The following LEPR variants were observed in gnomAD, a reference collection of about 807,000 sequenced individuals.
The protein encoded by LEPR is leptin receptor, also known as OB receptor.
LEPR carries 56 observed loss-of-function variants against 114.7 expected under a neutral mutation model. The observed-to-expected ratio is 0.49, with a 90% CI of 0.39 to 0.61. The LOEUF (loss-of-function observed/expected upper bound fraction) is 0.61. LEPR is among the 20% of genes least tolerant of loss of function. The pLI is 0.00. For missense variants in LEPR, 1,202 were observed against 1,352.9 expected, an observed-to-expected ratio of 0.89 and a Z score of 1.75; for synonymous variants, 443 against 461.4, an observed-to-expected ratio of 0.96 and a Z score of 0.51.
chr1:65,459,741 A>G (rs1442165006), intron 2 of LEPR, among the ~76,000 whole-genome samples: 1 of 152,216 alleles, frequency 6.6e-6, no homozygotes, highest in African/African-American at 2.4e-5. Flanking sequence ...ATTCTTTGCC[A>G]GCACCTATAA....
intron 2 of LEPR, among the ~76,000 whole-genome samples, chr1:65,517,053 A>G (rs1311271659): frequency 6.6e-6 from 1 of 152,204 alleles, no homozygotes; most frequent in Non-Finnish European, 1.5e-5. Context: ...GTAATCTCCC[A>G]TGGTTTTTAG....
chr1:65,442,167 T>TA (rs200478932), intron 2 of LEPR, among the ~76,000 whole-genome samples: 2,585 of 152,180 alleles, frequency 0.017, 48 homozygotes, highest in South Asian at 0.093. Context: ...AAGCCCTTTT[T>TA]AAAAAAATAA....
chr1:65,588,395 G>C (rs1655463363), intron 5 of LEPR, among the ~76,000 whole-genome samples: 1 of 151,486 alleles, frequency 6.6e-6, no homozygotes, highest in African/African-American at 2.4e-5. Context: ...CTTTCTTTTT[G>C]TAAATAGTTT....
intron 2 of LEPR, among the ~76,000 whole-genome samples, chr1:65,515,728 C>A (rs1371090786): frequency 6.6e-6 from 1 of 152,138 alleles, no homozygotes; most frequent in East Asian, 1.9e-4. Context: ...ATTAATGGAG[C>A]AACTATATGA....
chr1:65,600,202 A>C (rs1427799729), intron 8 of LEPR, among the ~76,000 whole-genome samples: 1 of 152,144 alleles, frequency 6.6e-6, no homozygotes, highest in Non-Finnish European at 1.5e-5. Context: ...AGGTAGGTTA[A>C]GATAGGTTAA....
intron 2 of LEPR, among the ~76,000 whole-genome samples, chr1:65,449,622 A>G (rs1343379466): frequency 6.6e-6 from 1 of 151,208 alleles, no homozygotes; most frequent in East Asian, 1.9e-4. Context: ...CCAAAGCTGG[A>G]GCCCAGCTTC....
intron 2 of LEPR, among the ~76,000 whole-genome samples, chr1:65,556,044 G>A (rs1287552871): frequency 6.6e-6 from 1 of 152,178 alleles, no homozygotes; most frequent in Non-Finnish European, 1.5e-5. Flanking sequence ...AGCATTAAGA[G>A]GTGGGGCCTT....
chr1:65,606,351 A>G (rs1656808926), intron 11 of LEPR, among the ~76,000 whole-genome samples: 1 of 152,176 alleles, frequency 6.6e-6, no homozygotes, highest in South Asian at 2.1e-4. Context: ...TGAAGCCTGG[A>G]TTCAGTAACA....
At chr1:65,497,488 G>T (rs968610043) in intron 2 of LEPR, among the ~76,000 whole-genome samples, 9 of 152,110 alleles carry the variant, frequency 5.9e-5, no homozygotes, top group African/African-American at 2.2e-4. Flanking sequence ...CTGTCCAATA[G>T]TAACTTTGTC....
At chr1:65,423,658 C>T (rs1005693293) in intron 1 of LEPR, among the ~76,000 whole-genome samples, 3 of 151,964 alleles carry the variant, frequency 2.0e-5, no homozygotes, top group Admixed American at 6.5e-5. Flanking sequence ...TTCTTTGTCC[C>T]TTAACATGTG....
At chr1:65,595,567 C>T (rs1051613544) in intron 6 of LEPR, among the ~76,000 whole-genome samples, 2 of 152,018 alleles carry the variant, frequency 1.3e-5, no homozygotes, top group African/African-American at 4.8e-5. Context: ...TAAAGTAAAA[C>T]CTCATTGATT....
At chr1:65,636,019 C>T (rs370067267) in intron 19 of LEPR, among the ~76,000 whole-genome samples, 172 bp from the exon 20 acceptor site, 147 of 152,278 alleles carry the variant, frequency 9.7e-4, no homozygotes, top group African/African-American at 3.5e-3. Context: ...TCATCTTAAA[C>T]GGGCTCTTCC....
At position 65,598,095 on chromosome 1, in the gene LEPR, C is replaced by CTTTTTTTTTTT. The variant is rs1226626771; in HGVS notation, c.850-555_850-545dup. Among the ~76,000 whole-genome samples the CTTTTTTTTTTT allele has an allele frequency of 2.7e-3, 271 of 101,460 alleles. 33 individuals carry two copies. Among genetic ancestry groups the CTTTTTTTTTTT allele is most frequent in the African/African-American group, 0.011 (249 of 22,628 alleles). The allele number at this position is 101,460 out of a possible 152,430, so 66.6% of individuals were successfully genotyped here. ...CTAGGCTCAAGTGATCCTCCTGCCT[C>CTTTTTTTTTTT]TTTTTTTTTTTTTTTTTTTTAAGAG... is the stretch of plus-strand genomic sequence containing the variant. On this transcript the variant is annotated intron_variant, in intron 7 of 19. Transcript: ENST00000349533.
At chr1:65,491,009 G>A (rs2100491784) in intron 2 of LEPR, among the ~76,000 whole-genome samples, 1 of 152,246 alleles carries the variant, frequency 6.6e-6, no homozygotes, top group South Asian at 2.1e-4. Flanking sequence ...TTTTAATAAT[G>A]GGAGAGAATG....
intron 2 of LEPR, among the ~76,000 whole-genome samples, chr1:65,523,712 A>G (rs1290861379): frequency 6.6e-6 from 1 of 152,220 alleles, no homozygotes; most frequent in South Asian, 2.1e-4. Context: ...CACAGTAGGC[A>G]ATGATTTTGA....
intron 8 of LEPR, among the ~76,000 whole-genome samples, 161 bp from the exon 9 acceptor site, chr1:65,601,231 T>G (rs1403592860): frequency 6.6e-6 from 1 of 152,050 alleles, no homozygotes; most frequent in Non-Finnish European, 1.5e-5. Context: ...TAGATAACTG[T>G]ACACAAACAG....
At chr1:65,622,360 G>T (rs770917253) in intron 18 of LEPR, among the ~76,000 whole-genome samples, 50 of 152,144 alleles carry the variant, frequency 3.3e-4, no homozygotes, top group Non-Finnish European at 6.5e-4. Flanking sequence ...TTAGAGATCA[G>T]CACTGTGTGG....
At chr1:65,452,292 C>T (rs1322564479) in intron 2 of LEPR, among the ~76,000 whole-genome samples, 1 of 151,392 alleles carries the variant, frequency 6.6e-6, no homozygotes, top group Non-Finnish European at 1.5e-5. Flanking sequence ...CCTAATTGCC[C>T]TGGCCAGAAC....
intron 2 of LEPR, among the ~76,000 whole-genome samples, chr1:65,426,531 A>G (rs1202283193): frequency 6.6e-6 from 1 of 152,092 alleles, no homozygotes; most frequent in Non-Finnish European, 1.5e-5. Context: ...GTAGGGGACT[A>G]CTATCATAAA....
Sources: gnomAD v4.1 joint callset for allele counts (sites outside exome capture counted in the v4.1 genomes callset) on GRCh38, gnomAD v4.1.1 for gene constraint, MANE v1.5 for transcripts, NCBI Gene and HGNC (gene_info 2026-07-23, HGNC 2026-07-21) for gene names.